The following ABR variants were observed in gnomAD, a reference collection of about 807,000 sequenced individuals.
The protein encoded by ABR is active breakpoint cluster region-related protein.
In ABR, 35 loss-of-function variants were observed where a neutral mutation model predicts 107.2. The observed-to-expected ratio is 0.33, with a 90% CI of 0.25 to 0.43. The LOEUF (loss-of-function observed/expected upper bound fraction) is 0.43. Among genes scored for constraint, ABR ranks in the 20% least tolerant of loss-of-function variants. ABR has a pLI of 1.00. For missense variants in ABR, 815 were observed against 1,115.2 expected (o/e 0.73, Z 3.83); for synonymous variants, 498 against 462.0 (o/e 1.08, Z -1.00).
At chr17:1,172,672 C>CT (rs533782299) in intron 1 of ABR, among the ~76,000 whole-genome samples, 157 of 152,146 alleles carry the variant, frequency 1.0e-3, no homozygotes, top group Admixed American at 2.4e-3. Context: ...TCGCTTGAAC[C>CT]CAGGAGGTGG....
chr17:1,049,598 G>A (rs1447415046), intron 16 of ABR, among the ~76,000 whole-genome samples: 1 of 151,768 alleles, frequency 6.6e-6, no homozygotes, highest in Non-Finnish European at 1.5e-5. Context: ...CTCCCCCCAA[G>A]CCAACCAGCA....
At chr17:1,168,944 G>A (rs574500130) in intron 1 of ABR, among the ~76,000 whole-genome samples, 17 of 152,342 alleles carry the variant, frequency 1.1e-4, no homozygotes, top group South Asian at 6.2e-4. Context: ...GAGCTGCCAC[G>A]GGGTCTGCAA....
chr17:1,124,572 T>C lies in ABR; in HGVS notation c.246+611A>G, dbSNP rs535938597. 5.9e-5 allele frequency among the ~76,000 whole-genome samples: 9 copies of C among 152,334 alleles called. No individual in the cohort carries two copies. In the South Asian group the frequency reaches 1.7e-3, roughly 28 times the overall value. ...CGTTAATGACAAGGACCGCAAACCC[T>C]CCACAGTTTCTATCCCTGGCCTGTC... On this transcript the variant is annotated intron_variant, in intron 2 of 22. Transcript: ENST00000302538.
chr17:1,005,620 A>G lies in ABR; in HGVS notation c.*460T>C. 1 of 198,974 alleles carries G rather than the reference A, an allele frequency of 5.0e-6. No individual in the cohort carries two copies. Among genetic ancestry groups the G allele is most frequent in the South Asian group, 1.0e-4 (1 of 9,732 alleles). The allele number at this position is 198,974 out of a possible 1,614,324, so 12.3% of individuals were successfully genotyped here. A position where few individuals can be genotyped will look rare whatever the true frequency, so the allele number is the denominator to read the frequency against. On this transcript the variant is annotated 3_prime_UTR_variant, in exon 23 of 23. Coordinates refer to ENST00000302538, the MANE Select transcript of ABR (RefSeq NM_021962.5). ...GAGCGGGTGGAGGAAGACTGAGGGG[A>G]GGCTGCCAGGAGACCGCCATCTGGG...
upstream of ABR, among the ~76,000 whole-genome samples, chr17:1,183,482 A>G (rs533663118): frequency 3.9e-5 from 6 of 152,280 alleles, no homozygotes; most frequent in African/African-American, 1.4e-4. Context: ...CCCATTTTCA[A>G]GGCTATTTGC....
intron 2 of ABR, among the ~76,000 whole-genome samples, chr17:1,105,336 C>T (rs2038174553): frequency 6.6e-6 from 1 of 152,102 alleles, no homozygotes; most frequent in African/African-American, 2.4e-5. Context: ...TCTTACCCTA[C>T]ACGTATTTGA....
At chr17:1,029,788 G>A (rs796538857) in intron 16 of ABR, among the ~76,000 whole-genome samples, 30 of 92,804 alleles carry the variant, frequency 3.2e-4, no homozygotes, top group Admixed American at 1.6e-3. Flanking sequence ...CAGGGCAGAC[G>A]TCCCTCCGTC....
chr17:1,165,408 C>T (rs1206332017), intron 1 of ABR, among the ~76,000 whole-genome samples: 6 of 152,242 alleles, frequency 3.9e-5, no homozygotes, highest in African/African-American at 1.4e-4. Context: ...ACAGCCCTTC[C>T]GGGAGCCACC....
At chr17:1,171,425 C>G (rs543556008) in intron 1 of ABR, among the ~76,000 whole-genome samples, 1 of 152,312 alleles carries the variant, frequency 6.6e-6, no homozygotes, top group Admixed American at 6.5e-5. Context: ...GCAGCACCAG[C>G]TCCACCGATG....
intron 1 of ABR, among the ~76,000 whole-genome samples, chr17:1,207,952 G>A (rs1369475533): frequency 6.6e-6 from 1 of 151,914 alleles, no homozygotes; most frequent in Non-Finnish European, 1.5e-5. Flanking sequence ...TGTATTTTTA[G>A]TAGAGATGGG....
chr17:1,127,858 G>T (rs562405409), intron 1 of ABR, among the ~76,000 whole-genome samples: 17 of 152,354 alleles, frequency 1.1e-4, no homozygotes, highest in African/African-American at 3.8e-4. Context: ...TCAGAGCAGA[G>T]GACCACGGGC....
chr17:1,073,530 G>T, intron 7 of ABR, 95 bp downstream of exon 7: 1 of 1,015,154 alleles, frequency 9.9e-7, no homozygotes, highest in South Asian at 3.0e-5. Context: ...TCCCCAGGTG[G>T]ACTGTTCTCG....
At chr17:1,108,987 G>T in intron 2 of ABR, 1 of 1,598,458 alleles carries the variant, frequency 6.3e-7, no homozygotes, top group Non-Finnish European at 8.5e-7. Flanking sequence ...GGGGTTCCCA[G>T]CTCGCACTCC....
intron 1 of ABR, among the ~76,000 whole-genome samples, chr17:1,135,921 TTGTTA>T (rs2151482631): frequency 6.6e-6 from 1 of 150,924 alleles, no homozygotes; most frequent in African/African-American, 2.4e-5. Flanking sequence ...TCTTCCAGTT[TTGTTA>T]TTTTTGTTTT....
chr17:1,216,054 C>T (rs1240072987), intron 1 of ABR, among the ~76,000 whole-genome samples: 1 of 150,772 alleles, frequency 6.6e-6, no homozygotes, highest in Non-Finnish European at 1.5e-5. Context: ...CCGCAGGGTC[C>T]TCTGCCTAGG....
chr17:1,028,192 G>T, intron 16 of ABR, among the ~76,000 whole-genome samples: 1 of 152,054 alleles, frequency 6.6e-6, no homozygotes, highest in Non-Finnish European at 1.5e-5. Flanking sequence ...CCAGGTTCAA[G>T]CGATGCTCCT....
intron 6 of ABR, among the ~76,000 whole-genome samples, chr17:1,077,456 C>T (rs908131648): frequency 1.3e-5 from 2 of 152,172 alleles, no homozygotes; most frequent in Non-Finnish European, 2.9e-5. Context: ...ACTCCTAGGC[C>T]AGACCAAAAA....
At chr17:1,060,036 G>A (rs553603994) in intron 10 of ABR, among the ~76,000 whole-genome samples, 1 of 152,236 alleles carries the variant, frequency 6.6e-6, no homozygotes, top group African/African-American at 2.4e-5. Context: ...TGCCTGCTAA[G>A]AGCGAAGAAT....
intron 2 of ABR, among the ~76,000 whole-genome samples, chr17:1,112,578 CAG>C (rs1458616263): frequency 1.5e-5 from 2 of 137,504 alleles, no homozygotes; most frequent in Admixed American, 7.1e-5. Context: ...GCCTGGGCAA[CAG>C]AGCCAGACTC....
Sources: allele counts gnomAD v4.1 joint callset (sites outside exome capture counted in the v4.1 genomes callset), GRCh38; gene constraint gnomAD v4.1.1; transcripts MANE v1.5; gene names NCBI Gene and HGNC (gene_info 2026-07-23, HGNC 2026-07-21).